The following PAK5 variants were observed in gnomAD, a reference collection of about 807,000 sequenced individuals.
PAK5 encodes serine/threonine-protein kinase PAK 5.
PAK5 carries 16 observed loss-of-function variants against 65.9 expected under a neutral mutation model. The ratio of observed to expected loss-of-function variants is 0.24; its 90% CI spans 0.16 to 0.37. The LOEUF is 0.37. PAK5 is among the 10% of genes least tolerant of loss of function. The probability of loss-of-function intolerance (pLI) is 1.00; values close to 1 mark genes in which losing one functional copy is unlikely to be tolerated. For missense variants in PAK5, 785 were observed against 903.9 expected, an observed-to-expected ratio of 0.87 and a Z score of 1.69; for synonymous variants, 371 against 354.9, an observed-to-expected ratio of 1.05 and a Z score of -0.51.
At chr20:9,815,701 C>T (rs1180071655) in intron 1 of PAK5, among the ~76,000 whole-genome samples, 1 of 152,098 alleles carries the variant, frequency 6.6e-6, no homozygotes, top group Non-Finnish European at 1.5e-5. Context: ...CATAGCAATT[C>T]TTTTTGTTTC....
chr20:9,544,329 G>C (rs747318258), intron 8 of PAK5, 40 bp downstream of exon 8: 17 of 1,604,760 alleles, frequency 1.1e-5, no homozygotes, highest in Non-Finnish European at 1.4e-5. Flanking sequence ...CCCTGAGCCT[G>C]TCCCCAGTCC....
intron 1 of PAK5, among the ~76,000 whole-genome samples, chr20:9,715,648 A>G (rs534260069): frequency 7.2e-5 from 11 of 152,138 alleles, no homozygotes; most frequent in Admixed American, 5.2e-4. Context: ...AACCAACTCA[A>G]ATGTCCAACA....
At chr20:9,678,817 C>G (rs942426994) in intron 2 of PAK5, among the ~76,000 whole-genome samples, 1 of 150,064 alleles carries the variant, frequency 6.7e-6, no homozygotes, top group African/African-American at 2.5e-5. Flanking sequence ...GAGGTCACCG[C>G]CCCCATGATT....
chr20:9,593,880 C>T (rs1003054019), intron 3 of PAK5, among the ~76,000 whole-genome samples: 16 of 151,968 alleles, frequency 1.1e-4, no homozygotes, highest in African/African-American at 3.9e-4. Context: ...GATGTGTTCA[C>T]ATTTAAAATA....
rs553016353 is a variant in PAK5, at chr20:9,615,956, C to T, written c.204+28169G>A. Among the ~76,000 whole-genome samples, 261 of 152,254 alleles carry T rather than the reference C, an allele frequency of 1.7e-3. 1 individual carries two copies. The highest frequency in any genetic ancestry group is 0.01 in the Middle Eastern group (3 of 294). ...CCCACAGCAAGCAACCCAAGAAAAC[C>T]GGTGAAAGCTACATGGCCTTTCCTT... On this transcript the variant is annotated intron_variant, in intron 3 of 9. Transcript: ENST00000353224.
chr20:9,758,054 T>G (rs2048656142), intron 1 of PAK5, among the ~76,000 whole-genome samples: 1 of 152,218 alleles, frequency 6.6e-6, no homozygotes, highest in Non-Finnish European at 1.5e-5. Context: ...TATGCTGCCC[T>G]TGGGAGCTAC....
chr20:9,546,125 C>T (rs1162996655), intron 7 of PAK5, among the ~76,000 whole-genome samples: 1 of 152,092 alleles, frequency 6.6e-6, no homozygotes, highest in Non-Finnish European at 1.5e-5. Flanking sequence ...AGACAAGATT[C>T]CCCCTGCCAC....
At chr20:9,642,705 C>T (rs1332891488) in intron 3 of PAK5, among the ~76,000 whole-genome samples, 1 of 152,110 alleles carries the variant, frequency 6.6e-6, no homozygotes, top group East Asian at 1.9e-4. Flanking sequence ...CACATGCAAA[C>T]TAGTAGAGTT....
At chr20:9,691,264 C>T (rs974916789) in intron 2 of PAK5, among the ~76,000 whole-genome samples, 3 of 152,096 alleles carry the variant, frequency 2.0e-5, no homozygotes, top group African/African-American at 7.2e-5. Flanking sequence ...CATAGAGTCC[C>T]AACAGACATC....
chr20:9,756,200 T>C (rs2048631824), intron 1 of PAK5, among the ~76,000 whole-genome samples: 1 of 152,236 alleles, frequency 6.6e-6, no homozygotes, highest in Non-Finnish European at 1.5e-5. Context: ...TTCAAAATAC[T>C]AATATTAATA....
chr20:9,627,438 C>T (rs1876636208), intron 3 of PAK5, among the ~76,000 whole-genome samples: 1 of 152,144 alleles, frequency 6.6e-6, no homozygotes, highest in African/African-American at 2.4e-5. Context: ...ATGTCAGATG[C>T]TGCTGCAAGT....
chr20:9,778,618 T>C (rs557084173), intron 1 of PAK5, among the ~76,000 whole-genome samples: 2 of 152,292 alleles, frequency 1.3e-5, no homozygotes, highest in African/African-American at 2.4e-5. Context: ...CAGTGAGTTG[T>C]CCCATTTGAT....
intron 1 of PAK5, among the ~76,000 whole-genome samples, chr20:9,802,323 T>C (rs2049178668): frequency 6.6e-6 from 1 of 152,054 alleles, no homozygotes; most frequent in Admixed American, 6.6e-5. Flanking sequence ...AATGGGCTAG[T>C]GGTCATTGCA....
At chr20:9,563,095 T>C (rs2045617499) in intron 5 of PAK5, 71 bp from the exon 6 acceptor site, 1 of 1,362,700 alleles carries the variant, frequency 7.3e-7, no homozygotes, top group Non-Finnish European at 1.0e-6. Flanking sequence ...TGGCCACAAC[T>C]ACAATTGTAA....
intron 3 of PAK5, among the ~76,000 whole-genome samples, chr20:9,598,296 T>C (rs1435580048): frequency 2.0e-5 from 3 of 152,238 alleles, no homozygotes; most frequent in Admixed American, 6.5e-5. Flanking sequence ...ATCTCATTCC[T>C]TTTTATGGCT....
intron 2 of PAK5, among the ~76,000 whole-genome samples, chr20:9,653,961 C>CTT (rs35916583): frequency 2.6e-4 from 36 of 136,026 alleles, no homozygotes; most frequent in African/African-American, 8.9e-4. Flanking sequence ...CTTTTCTTCT[C>CTT]TTTTTTTTTT....
chr20:9,579,775 C>T (rs571763440), intron 4 of PAK5, among the ~76,000 whole-genome samples: 6 of 152,232 alleles, frequency 3.9e-5, no homozygotes, highest in South Asian at 2.1e-4. Flanking sequence ...CTGGATGGCT[C>T]GATCTAATGC....
intron 4 of PAK5, 60 bp downstream of exon 4, chr20:9,580,085 C>A: frequency 7.0e-7 from 1 of 1,426,944 alleles, no homozygotes; most frequent in South Asian, 1.3e-5. Flanking sequence ...AAAGGTCGTG[C>A]CAGCACCACC....
At chr20:9,582,183 T>C (rs1459310851) in intron 3 of PAK5, among the ~76,000 whole-genome samples, 1 of 152,232 alleles carries the variant, frequency 6.6e-6, no homozygotes, top group Non-Finnish European at 1.5e-5. Flanking sequence ...TGCATTGCTA[T>C]TAAGGAAACT....
Sources: allele counts gnomAD v4.1 joint callset (sites outside exome capture counted in the v4.1 genomes callset), GRCh38; gene constraint gnomAD v4.1.1; transcripts MANE v1.5; gene names NCBI Gene and HGNC (gene_info 2026-07-23, HGNC 2026-07-21).